Variants in NKAIN2 observed in about 807,000 individuals in gnomAD.
The protein encoded by NKAIN2 is sodium/potassium-transporting ATPase subunit beta-1-interacting protein 2.
Under a neutral mutation model 32.6 loss-of-function variants are expected in NKAIN2, and 14 were observed. The ratio of observed to expected loss-of-function variants is 0.43; its 90% CI spans 0.28 to 0.67. The LOEUF is 0.67. NKAIN2 is among the 30% of genes least tolerant of loss of function. NKAIN2 has a pLI of 0.17. For missense variants in NKAIN2, 198 were observed against 258.3 expected (o/e 0.77, Z 1.60); for synonymous variants, 80 against 87.2 (o/e 0.92, Z 0.46).
At chr6:124,644,255 A>T (rs1360810981) in intron 3 of NKAIN2, among the ~76,000 whole-genome samples, 1 of 152,144 alleles carries the variant, frequency 6.6e-6, no homozygotes, top group East Asian at 1.9e-4. Context: ...ATTTTTTATC[A>T]CTATGCTGAT....
At chr6:123,815,786 G>C (rs1773668403) in intron 1 of NKAIN2, among the ~76,000 whole-genome samples, 1 of 151,966 alleles carries the variant, frequency 6.6e-6, no homozygotes, top group South Asian at 2.1e-4. Flanking sequence ...ATATTGTAAA[G>C]ATATATGTAT....
intron 1 of NKAIN2, among the ~76,000 whole-genome samples, chr6:123,932,350 G>T (rs235696): frequency 1.4e-3 from 216 of 149,568 alleles, no homozygotes; most frequent in Non-Finnish European, 2.2e-3. Context: ...CAATGACTCT[G>T]TTCCATTTAC....
chr6:124,119,911 C>A (rs1459727053), intron 1 of NKAIN2, among the ~76,000 whole-genome samples: 1 of 152,050 alleles, frequency 6.6e-6, no homozygotes. Flanking sequence ...ATGTATATAT[C>A]TTTTCTTTTT....
At chr6:124,328,331 T>C (rs1332565729) in intron 2 of NKAIN2, among the ~76,000 whole-genome samples, 1 of 152,208 alleles carries the variant, frequency 6.6e-6, no homozygotes, top group Non-Finnish European at 1.5e-5. Flanking sequence ...GATCCTGGCT[T>C]ATAAATTTTC....
chr6:124,285,645 G>T (rs533507001), intron 2 of NKAIN2, among the ~76,000 whole-genome samples: 1 of 152,004 alleles, frequency 6.6e-6, no homozygotes, highest in Non-Finnish European at 1.5e-5. Context: ...AGGTATCTAT[G>T]TCTGTGTAAC....
intron 3 of NKAIN2, among the ~76,000 whole-genome samples, chr6:124,465,289 A>G (rs1562201840): frequency 1.3e-5 from 2 of 152,148 alleles, no homozygotes; most frequent in Non-Finnish European, 2.9e-5. Context: ...ACACCATGGA[A>G]TACTATGCAG....
intron 1 of NKAIN2, among the ~76,000 whole-genome samples, chr6:124,174,602 C>T (rs573511843): frequency 7.2e-5 from 11 of 152,226 alleles, no homozygotes; most frequent in Admixed American, 1.3e-4. Flanking sequence ...TTTCTAATTC[C>T]TAGCACTCCT....
intron 4 of NKAIN2, among the ~76,000 whole-genome samples, chr6:124,781,591 G>T (rs988541237): frequency 1.3e-5 from 2 of 152,026 alleles, no homozygotes; most frequent in Non-Finnish European, 2.9e-5. Context: ...ATTCCCAAAC[G>T]GTAATAATGG....
intron 3 of NKAIN2, among the ~76,000 whole-genome samples, chr6:124,507,003 TTAAAGTC>T (rs1322359811): frequency 6.6e-6 from 1 of 152,226 alleles, no homozygotes; most frequent in East Asian, 1.9e-4. Context: ...CATGGGAACA[TTAAAGTC>T]TAAGAAGCTC....
At chr6:124,650,390 A>G (rs557305414) in intron 3 of NKAIN2, among the ~76,000 whole-genome samples, 15 of 152,298 alleles carry the variant, frequency 9.8e-5, no homozygotes, top group Admixed American at 6.5e-4. Context: ...AATACCATTT[A>G]TATTACCACA....
intron 4 of NKAIN2, among the ~76,000 whole-genome samples, chr6:124,786,775 G>C (rs1017256351): frequency 6.6e-6 from 1 of 152,102 alleles, no homozygotes; most frequent in African/African-American, 2.4e-5. Flanking sequence ...GGATAATTGT[G>C]TGTTTGCCTA....
intron 4 of NKAIN2, among the ~76,000 whole-genome samples, chr6:124,680,527 A>ATGTAGAGTT (rs1773568297): frequency 6.6e-6 from 1 of 152,140 alleles, no homozygotes; most frequent in Non-Finnish European, 1.5e-5. Flanking sequence ...CAGAGTTCCT[A>ATGTAGAGTT]CATACAGGAA....
chr6:124,485,446 C>A (rs1777613051), intron 3 of NKAIN2, among the ~76,000 whole-genome samples: 1 of 151,948 alleles, frequency 6.6e-6, no homozygotes, highest in Non-Finnish European at 1.5e-5. Context: ...AAAAAATTTA[C>A]CATGAGCTGC....
At chr6:124,352,415 T>C (rs1182099161) in intron 2 of NKAIN2, among the ~76,000 whole-genome samples, 4 of 152,230 alleles carry the variant, frequency 2.6e-5, no homozygotes, top group Non-Finnish European at 5.9e-5. Flanking sequence ...ATATACCATG[T>C]GAATACAGAT....
chr6:123,986,648 C>T (rs1779151356), intron 1 of NKAIN2, among the ~76,000 whole-genome samples: 2 of 152,102 alleles, frequency 1.3e-5, no homozygotes, highest in African/African-American at 4.8e-5. Flanking sequence ...TAGATTATTA[C>T]CGCTGGCATT....
chr6:124,037,598 C>G (rs1053848235), intron 1 of NKAIN2, among the ~76,000 whole-genome samples: 2 of 152,000 alleles, frequency 1.3e-5, no homozygotes, highest in African/African-American at 4.8e-5. Flanking sequence ...ATTGTCTTCC[C>G]AATACATCAA....
chr6:124,716,446 G>C (rs1392867093), intron 4 of NKAIN2, among the ~76,000 whole-genome samples: 1 of 152,166 alleles, frequency 6.6e-6, no homozygotes, highest in African/African-American at 2.4e-5. Context: ...TGAGATCATA[G>C]AGTGATGAGA....
chr6:124,448,814 T>G (rs756897623), intron 3 of NKAIN2, among the ~76,000 whole-genome samples: 1 of 152,158 alleles, frequency 6.6e-6, no homozygotes, highest in Non-Finnish European at 1.5e-5. Context: ...TGCCTATGTA[T>G]AGTGAATAGA....
At chr6:124,726,787 G>T (rs1352241750) in intron 4 of NKAIN2, among the ~76,000 whole-genome samples, 2 of 139,902 alleles carry the variant, frequency 1.4e-5, no homozygotes, top group Non-Finnish European at 3.1e-5. Context: ...CAAACCAAAG[G>T]CAAAGAAGTT....
Sources: gnomAD v4.1 joint callset for allele counts (sites outside exome capture counted in the v4.1 genomes callset) on GRCh38, gnomAD v4.1.1 for gene constraint, MANE v1.5 for transcripts, NCBI Gene and HGNC (gene_info 2026-07-23, HGNC 2026-07-21) for gene names.